The following ENO1 variants were observed in gnomAD, a reference collection of about 807,000 sequenced individuals.
The protein encoded by ENO1 is enolase 1.
A neutral mutation model predicts 46.3 loss-of-function variants in ENO1; 33 were observed. That is an observed-to-expected ratio of 0.71 (90% confidence interval 0.54 to 0.95). The LOEUF (loss-of-function observed/expected upper bound fraction) is 0.95. Ranked by LOEUF, ENO1 falls within the 40% of genes least tolerant of loss-of-function variation. ENO1 has a pLI of 0.00. For synonymous variants in ENO1, 220 were observed against 216.0 expected (o/e 1.02, Z -0.16); for missense variants, 488 against 553.3 (o/e 0.88, Z 1.18).
chr1:8,865,531 A>G (rs890544347), intron 7 of ENO1, 49 bp from the exon 8 acceptor site: 1 of 1,588,328 alleles, frequency 6.3e-7, no homozygotes. Flanking sequence ...AGGTACAGAG[A>G]AAACTTCCCT....
At chr1:8,866,957 G>T (rs573150173) in intron 6 of ENO1, among the ~76,000 whole-genome samples, 160 bp downstream of exon 6, 1 of 152,192 alleles carries the variant, frequency 6.6e-6, no homozygotes, top group East Asian at 1.9e-4. Context: ...TGGGGCACAG[G>T]CAAGTTGAGT....
rs768762352 is a variant in ENO1, at chr1:8,874,938, T to TC, written c.-9-22dup. ...AACTTCTGTAGAAGAAACACACAGTTCATGTTTTCCATAAGCCATAATGCT... is the reference window on the plus strand; with the variant it reads ...AACTTCTGTAGAAGAAACACACAGTTCCATGTTTTCCATAAGCCATAATGCT... On this transcript the variant is annotated intron_variant, in intron 1 of 11. Transcript: ENST00000234590. The TC allele has an allele frequency of 1.6e-5, 25 of 1,593,376 alleles. No homozygotes were observed. The African/African-American group carries it at 3.1e-4, about 20-fold the overall frequency.
At chr1:8,878,128 C>T (rs1642775871) in intron 1 of ENO1, 1 of 156,456 alleles carries the variant, frequency 6.4e-6, no homozygotes, top group Non-Finnish European at 1.4e-5. Flanking sequence ...GTGGCCATCT[C>T]CACTATCGCC....
Position 8,878,666 on chromosome 1 carries a change from CTCCGGG to C in ENO1, c.-102_-97del. On this transcript the variant is annotated 5_prime_UTR_variant, in exon 1 of 12. Coordinates refer to ENST00000234590, the MANE Select transcript of ENO1 (RefSeq NM_001428.5). ...ACGTAAAGCCGGCGAGATCTCCGTGCTCCGGGTACCCACAGATACTGTCCGCGCCGC... is the reference window on the plus strand; with the variant it reads ...ACGTAAAGCCGGCGAGATCTCCGTGCTACCCACAGATACTGTCCGCGCCGC... 2.2e-6 allele frequency: 1 copy of C among 456,118 alleles called. No individual in the cohort carries two copies. The highest frequency in any genetic ancestry group is 4.4e-6 in the Non-Finnish European group (1 of 226,812). 28.3% of individuals were successfully genotyped at this position (456,118 alleles called of 1,614,324 possible).
intron 3 of ENO1, chr1:8,870,971 G>T: frequency 8.0e-7 from 1 of 1,245,354 alleles, no homozygotes; most frequent in Non-Finnish European, 1.0e-6. Flanking sequence ...ACAGTGAGGG[G>T]GCAGGAAAGC....
At position 8,870,598 on chromosome 1, in the gene ENO1, A is replaced by G. The variant is rs564113493; in HGVS notation, c.182-88T>C. 6 of 1,581,130 alleles carry G rather than the reference A, an allele frequency of 3.8e-6. No individual in the cohort carries two copies. The South Asian group carries it at 6.8e-5, about 18-fold the overall frequency. On this transcript the variant is annotated intron_variant, in intron 3 of 11. Coordinates refer to ENST00000234590, the MANE Select transcript of ENO1 (RefSeq NM_001428.5). ...TTAGAGAGAACCACTGTTGAGGCCG[A>G]CGCGGAAGCCCACCAAGGGACCTTC...
intron 11 of ENO1, 80 bp downstream of exon 11, chr1:8,862,806 TG>T: frequency 1.3e-6 from 2 of 1,500,640 alleles, no homozygotes; most frequent in Non-Finnish European, 1.8e-6. Flanking sequence ...CAGGAGCTCC[TG>T]GGGGAGGGCA....
chr1:8,873,587 C>A (rs1266922944), intron 2 of ENO1, among the ~76,000 whole-genome samples: 1 of 152,162 alleles, frequency 6.6e-6, no homozygotes, highest in Non-Finnish European at 1.5e-5. Flanking sequence ...CTGTGAGAAC[C>A]CTCAGGGTTC....
intron 3 of ENO1, 144 bp downstream of exon 3, chr1:8,871,747 G>T: frequency 7.9e-7 from 1 of 1,259,202 alleles, no homozygotes; most frequent in Non-Finnish European, 1.1e-6. Context: ...GTGGTGCACT[G>T]CTTCCATCAA....
intron 4 of ENO1, 160 bp downstream of exon 4, chr1:8,870,292 T>G: frequency 3.4e-6 from 3 of 872,820 alleles, no homozygotes; most frequent in Non-Finnish European, 3.4e-6. Flanking sequence ...AGCGGGCAGG[T>G]TAGAATTATG....
At chr1:8,875,436 A>T (rs1460304303) in intron 1 of ENO1, among the ~76,000 whole-genome samples, 1 of 152,304 alleles carries the variant, frequency 6.6e-6, no homozygotes, top group South Asian at 2.1e-4. Context: ...GGCTATTGTC[A>T]TGAGTGAACA....
At chr1:8,866,220 C>T in intron 7 of ENO1, 59 bp downstream of exon 7, 1 of 1,474,488 alleles carries the variant, frequency 6.8e-7, no homozygotes. Context: ...GACGACCCCC[C>T]AACAGAGGGA....
At chr1:8,875,146 T>C (rs1353442486) in intron 1 of ENO1, among the ~76,000 whole-genome samples, 1 of 152,218 alleles carries the variant, frequency 6.6e-6, no homozygotes, top group Non-Finnish European at 1.5e-5. Context: ...AACCTTTTTA[T>C]GCCTAGTATT....
chr1:8,872,052 C>T, intron 2 of ENO1, 66 bp from the exon 3 acceptor site: 1 of 1,373,206 alleles, frequency 7.3e-7, no homozygotes, highest in Non-Finnish European at 1.0e-6. Context: ...TCCCAAGTCC[C>T]CTCCCGCCCA....
chr1:8,864,247 A>G (rs1369194215), intron 8 of ENO1, among the ~76,000 whole-genome samples, 155 bp from the exon 9 acceptor site: 1 of 152,078 alleles, frequency 6.6e-6, no homozygotes, highest in African/African-American at 2.4e-5. Context: ...TCCTTGAAAC[A>G]ATGTGCCCCA....
intron 5 of ENO1, among the ~76,000 whole-genome samples, chr1:8,867,675 G>A (rs749873472): frequency 3.3e-5 from 5 of 151,846 alleles, no homozygotes; most frequent in East Asian, 1.9e-4. Flanking sequence ...GACTACAGGC[G>A]CCCACCACCA....
rs760302359 is a variant in ENO1, at chr1:8,865,451, T to C, written c.699A>G (p.Lys233=). ...TGACCACCTTATCAGTGTAGCCAGC[T>C]TTCCCAATAGCAGTCTTCAGCAGCT... ...GLELLKTAIG[K]AGYTDKVVIG... Residue 233 remains lysine (K), a synonymous_variant, in exon 8 of 12, where the codon AAA becomes AAG. Coordinates refer to ENST00000234590, the MANE Select transcript of ENO1 (RefSeq NM_001428.5). 4 of 1,613,402 alleles carry C rather than the reference T, an allele frequency of 2.5e-6. No homozygotes were observed. The highest frequency in any genetic ancestry group is 3.4e-6 in the Non-Finnish European group (4 of 1,180,050).
At chr1:8,874,970 C>T in intron 1 of ENO1, 53 bp from the exon 2 acceptor site, 1 of 1,454,682 alleles carries the variant, frequency 6.9e-7, no homozygotes, top group Non-Finnish European at 9.6e-7. Context: ...TGCTGCATTT[C>T]CTCACTCATT....
chr1:8,867,171 CA>C lies in ENO1; in HGVS notation c.389del (p.Leu130ArgfsTer40). The C allele has an allele frequency of 6.2e-7, 1 of 1,614,204 alleles. No individual in the cohort carries two copies. Among genetic ancestry groups the C allele is most frequent in the Non-Finnish European group, 8.5e-7 (1 of 1,180,024 alleles). ...KAGAVEKGVP[L>X]YRHIADLAGN... ...CAGCCAAGTCAGCGATGTGGCGGTA[CA>C]GGGGGACCCCCTTCTCAACGGCACC... On this transcript the variant is annotated frameshift_variant, in exon 6 of 12. Transcript: ENST00000234590. LOFTEE classifies it high-confidence loss of function.
Sources: allele counts gnomAD v4.1 joint callset (sites outside exome capture counted in the v4.1 genomes callset), GRCh38; gene constraint gnomAD v4.1.1; transcripts MANE v1.5; gene names NCBI Gene and HGNC (gene_info 2026-07-23, HGNC 2026-07-21).